SUPT20H: variants seen among roughly 807,000 people sequenced by gnomAD.
The protein encoded by SUPT20H is SPT20 homolog, SAGA complex component, also known as transcription factor SPT20 homolog.
In SUPT20H, 82 loss-of-function variants were observed where a neutral mutation model predicts 122.8. The ratio of observed to expected loss-of-function variants is 0.67; its 90% CI spans 0.56 to 0.80. The LOEUF is 0.80. Among genes scored for constraint, SUPT20H ranks in the 30% least tolerant of loss-of-function variants. The pLI, the probability that SUPT20H is intolerant of heterozygous loss-of-function variation, is 0.00. For missense variants in SUPT20H, 831 were observed against 921.6 expected (o/e 0.90, Z 1.27); for synonymous variants, 291 against 313.0 (o/e 0.93, Z 0.74).
At chr13:37,053,394 AC>A (rs1188983030) in intron 1 of SUPT20H, among the ~76,000 whole-genome samples, 1 of 152,090 alleles carries the variant, frequency 6.6e-6, no homozygotes, top group East Asian at 1.9e-4. Context: ...GATTCTGGAA[AC>A]CATCATCCTC....
intron 17 of SUPT20H, 103 bp downstream of exon 17, chr13:37,025,217 C>T (rs948989675): frequency 1.3e-5 from 13 of 999,476 alleles, no homozygotes; most frequent in Non-Finnish European, 2.1e-5. Flanking sequence ...GTTGGGATTA[C>T]AGGCATGAGC....
At chr13:37,045,202 C>T in intron 6 of SUPT20H, 45 bp downstream of exon 6, 1 of 1,606,344 alleles carries the variant, frequency 6.2e-7, no homozygotes. Flanking sequence ...GCACATCCTG[C>T]CTAGCAAAAG....
intron 1 of SUPT20H, among the ~76,000 whole-genome samples, chr13:37,054,735 C>T (rs2068554829): frequency 6.6e-6 from 1 of 152,306 alleles, no homozygotes; most frequent in South Asian, 2.1e-4. Flanking sequence ...CTCACTACTC[C>T]TATTCAACAT....
intron 1 of SUPT20H, among the ~76,000 whole-genome samples, chr13:37,058,450 T>A (rs1409913665): frequency 6.6e-6 from 1 of 152,206 alleles, no homozygotes; most frequent in East Asian, 1.9e-4. Flanking sequence ...AAGATGAAGA[T>A]ACACTATGTA....
chr13:37,024,070 G>C lies in SUPT20H; in HGVS notation c.1556C>G (p.Ser519Cys). The change falls in exon 19 of 26, where the codon TCT becomes TGT. Residue 519 changes from serine to cysteine, a missense_variant. Coordinates refer to ENST00000350612, the MANE Select transcript of SUPT20H (RefSeq NM_001014286.3). ...GCTGGCAGGTGATAGGGCAGCTGGAGAAAGCATGCTAACTTGATTGAGATC... is the reference window on the plus strand; with the variant it reads ...GCTGGCAGGTGATAGGGCAGCTGGACAAAGCATGCTAACTTGATTGAGATC... The part of the protein sequence containing the change: ...SVDLNQVSML[S>C]PAALSPASSS... 6.2e-7 allele frequency: 1 copy of C among 1,613,320 alleles called. No homozygotes were observed. Among genetic ancestry groups the C allele is most frequent in the South Asian group, 1.1e-5 (1 of 90,928 alleles).
At chr13:37,013,620 A>T (rs1593822669) in intron 23 of SUPT20H, 1 of 152,104 alleles carries the variant, frequency 6.6e-6, no homozygotes, top group African/African-American at 2.4e-5. Flanking sequence ...TCCATAAAGA[A>T]AAGATACTGT....
chr13:37,022,863 A>G lies in SUPT20H; in HGVS notation c.1592-783T>C, dbSNP rs2061615684. 1 of 1,079,062 alleles carries G rather than the reference A, an allele frequency of 9.3e-7. No individual in the cohort carries two copies. Among genetic ancestry groups the G allele is most frequent in the Admixed American group, 4.2e-5 (1 of 23,864 alleles). 66.8% of individuals were successfully genotyped at this position (1,079,062 alleles called of 1,614,324 possible). ...AACAGTAATAAAGCAAATATCTGAG[A>G]GATAATACTGCATCTTTAACAGTAA... is the stretch of plus-strand genomic sequence containing the variant. On this transcript the variant is annotated intron_variant, in intron 19 of 25. Coordinates refer to ENST00000350612, the MANE Select transcript of SUPT20H (RefSeq NM_001014286.3). This position sits in a 1 kb window ranked among gnomAD's most constrained non-coding sequence, Gnocchi z 4.5.
intron 8 of SUPT20H, 59 bp from the exon 9 acceptor site, chr13:37,040,517 C>T (rs534074208): frequency 2.8e-5 from 44 of 1,586,512 alleles, no homozygotes; most frequent in East Asian, 4.5e-5. Flanking sequence ...ATGAAGAATT[C>T]GATAAATAAA....
In SUPT20H at chr13:37,032,870, T is replaced by A. The variant is rs147125072; in HGVS notation, c.707+579A>T. On this transcript the variant is annotated intron_variant, in intron 10 of 25. Coordinates refer to ENST00000350612, the MANE Select transcript of SUPT20H (RefSeq NM_001014286.3). ...TTGTTTCAAAAACAAAAGGTAGGTG[T>A]GCCTGGATTCAGTTTATAACTGACT... Among the ~76,000 whole-genome samples the A allele has an allele frequency of 2.0e-5, 3 of 152,290 alleles. No individual in the cohort carries two copies. The East Asian group carries it at 5.8e-4, about 29-fold the overall frequency.
At chr13:37,054,972 AACAG>A (rs1483725331) in intron 1 of SUPT20H, among the ~76,000 whole-genome samples, 3 of 152,230 alleles carry the variant, frequency 2.0e-5, no homozygotes, top group African/African-American at 4.8e-5. Flanking sequence ...ATACACCAAT[AACAG>A]ACAAACACAG....
chr13:37,040,081 G>GAA (rs11436760), intron 9 of SUPT20H: 63,784 of 175,998 alleles, frequency 0.36, 11,728 homozygotes, highest in East Asian at 0.68. Context: ...TGAATTATTT[G>GAA]AAAAAAAAAA....
intron 1 of SUPT20H, among the ~76,000 whole-genome samples, chr13:37,052,733 G>A (rs1594566788): frequency 6.6e-6 from 1 of 152,156 alleles, no homozygotes; most frequent in Non-Finnish European, 1.5e-5. Context: ...ACTATCATCA[G>A]AGTGAACAGG....
At chr13:37,011,077 A>G (rs567663407) in intron 24 of SUPT20H, among the ~76,000 whole-genome samples, 5 of 152,356 alleles carry the variant, frequency 3.3e-5, no homozygotes, top group South Asian at 4.1e-4. Flanking sequence ...GCTGCAATGA[A>G]TATCAGACTA....
At chr13:37,058,898 G>C (rs1327225881) in intron 1 of SUPT20H, among the ~76,000 whole-genome samples, 1 of 152,146 alleles carries the variant, frequency 6.6e-6, no homozygotes, top group African/African-American at 2.4e-5. Context: ...ATCAACCCAA[G>C]TACACTGTAC....
intron 25 of SUPT20H, 55 bp downstream of exon 25, chr13:37,010,497 A>T: frequency 1.4e-6 from 2 of 1,461,062 alleles, no homozygotes; most frequent in South Asian, 1.2e-5. Flanking sequence ...ATTTTGAGGT[A>T]CTTTTGGAGC....
intron 1 of SUPT20H, chr13:37,057,280 G>T (rs984926868): frequency 2.0e-5 from 3 of 150,914 alleles, no homozygotes; most frequent in African/African-American, 7.3e-5. Context: ...GGGTAAAAGA[G>T]CAAGACCCTG....
intron 9 of SUPT20H, among the ~76,000 whole-genome samples, chr13:37,035,070 C>G (rs1021070373): frequency 6.6e-6 from 1 of 152,186 alleles, no homozygotes; most frequent in Admixed American, 6.5e-5. Flanking sequence ...TGGAGATGTA[C>G]AAGGGGATTA....
chr13:37,031,555 G>T lies in SUPT20H; in HGVS notation c.921+12C>A. 1 of 1,508,838 alleles carries T rather than the reference G, an allele frequency of 6.6e-7. No individual in the cohort carries two copies. The highest frequency in any genetic ancestry group is 1.4e-5 in the South Asian group (1 of 73,102). 93.5% of individuals were successfully genotyped at this position (1,508,838 alleles called of 1,614,324 possible). On this transcript the variant is annotated intron_variant, in intron 12 of 25. Transcript: ENST00000350612. Reference sequence around the variant, plus strand: ...CTTTATATGAAAAAAAGTAATTCATGAACTGACTTACATCTACTTCAGAAG... The same window carrying T: ...CTTTATATGAAAAAAAGTAATTCATTAACTGACTTACATCTACTTCAGAAG...
intron 23 of SUPT20H, chr13:37,012,793 C>G (rs940229838): frequency 9.2e-5 from 14 of 151,938 alleles, no homozygotes; most frequent in African/African-American, 3.4e-4. Context: ...GGGCACAAAA[C>G]AAGACCAATA....
Sources: gnomAD v4.1 joint callset for allele counts (sites outside exome capture counted in the v4.1 genomes callset) on GRCh38, gnomAD v4.1.1 for gene constraint, Gnocchi (gnomAD v3.1) non-coding constraint, MANE v1.5 for transcripts, NCBI Gene and HGNC (gene_info 2026-07-23, HGNC 2026-07-21) for gene names.